RSRC1: variants seen among roughly 807,000 people sequenced by gnomAD.
The protein encoded by RSRC1 is serine/Arginine-related protein 53.
In RSRC1, 39 loss-of-function variants were observed where a neutral mutation model predicts 49.1. The ratio of observed to expected loss-of-function variants is 0.79; its 90% CI spans 0.61 to 1.04. The LOEUF is 1.04. RSRC1 is among the 50% of genes least tolerant of loss of function. The pLI is 0.00. For missense variants in RSRC1, 388 were observed against 402.4 expected, an observed-to-expected ratio of 0.96 and a Z score of 0.31; for synonymous variants, 143 against 130.8, an observed-to-expected ratio of 1.09 and a Z score of -0.63.
intron 3 of RSRC1, among the ~76,000 whole-genome samples, chr3:158,156,323 G>A (rs755462938): frequency 1.3e-5 from 2 of 152,142 alleles, no homozygotes; most frequent in Admixed American, 6.5e-5. Context: ...CTCTGGATTA[G>A]GCTTTCGCTC....
intron 6 of RSRC1, among the ~76,000 whole-genome samples, chr3:158,460,369 AC>A (rs1165867809): frequency 6.6e-6 from 1 of 151,678 alleles, no homozygotes; most frequent in Non-Finnish European, 1.5e-5. Flanking sequence ...GTGTTTGAAA[AC>A]CCCTGCAGTT....
At chr3:158,165,160 A>C (rs1214632351) in intron 3 of RSRC1, among the ~76,000 whole-genome samples, 1 of 152,190 alleles carries the variant, frequency 6.6e-6, no homozygotes, top group Admixed American at 6.5e-5. Flanking sequence ...TGAACACATT[A>C]ATTAGAACCA....
intron 4 of RSRC1, among the ~76,000 whole-genome samples, chr3:158,288,803 C>T (rs1726734355): frequency 6.8e-6 from 1 of 146,288 alleles, no homozygotes; most frequent in South Asian, 2.2e-4. Flanking sequence ...AATAAAAAAT[C>T]TGCACATGTT....
chr3:158,334,470 AT>A (rs1182529511), intron 5 of RSRC1, among the ~76,000 whole-genome samples: 3 of 139,324 alleles, frequency 2.2e-5, no homozygotes, highest in Admixed American at 7.8e-5. Flanking sequence ...AAAGGTCTCA[AT>A]TTCTAACAGG....
intron 4 of RSRC1, among the ~76,000 whole-genome samples, chr3:158,230,003 T>G (rs748603413): frequency 6.6e-6 from 1 of 152,122 alleles, no homozygotes; most frequent in Non-Finnish European, 1.5e-5. Flanking sequence ...GATGCATCAA[T>G]CACAGCTCCC....
At chr3:158,512,461 T>A (rs1740243908) in intron 7 of RSRC1, among the ~76,000 whole-genome samples, 2 of 151,988 alleles carry the variant, frequency 1.3e-5, no homozygotes. Context: ...TCTGTTCTGT[T>A]CCATTGATCT....
chr3:158,475,202 G>T (rs1351179851), intron 7 of RSRC1, among the ~76,000 whole-genome samples: 1 of 152,020 alleles, frequency 6.6e-6, no homozygotes, highest in Non-Finnish European at 1.5e-5. Context: ...GGGATTACAG[G>T]CATGAGCCAC....
chr3:158,525,473 A>G (rs1410393707), intron 7 of RSRC1, among the ~76,000 whole-genome samples: 1 of 151,994 alleles, frequency 6.6e-6, no homozygotes. Flanking sequence ...TGGTATAACC[A>G]CTTTGGAAAT....
intron 6 of RSRC1, among the ~76,000 whole-genome samples, chr3:158,379,126 TC>T (rs1003866687): frequency 2.0e-5 from 3 of 151,992 alleles, no homozygotes; most frequent in African/African-American, 7.3e-5. Context: ...TCCCACTAGT[TC>T]CATTGTATTT....
intron 3 of RSRC1, among the ~76,000 whole-genome samples, chr3:158,139,636 CTTT>C (rs11388130): frequency 2.1e-5 from 3 of 140,046 alleles, no homozygotes. Context: ...TCCCATTAGT[CTTT>C]TTTTTTTTTT....
chr3:158,284,890 T>G (rs916503987), intron 4 of RSRC1, among the ~76,000 whole-genome samples: 88 of 151,776 alleles, frequency 5.8e-4, no homozygotes, highest in Non-Finnish European at 8.7e-4. Context: ...AGAAGCTCTT[T>G]AGTTTAATTA....
At chr3:158,537,001 T>C in intron 7 of RSRC1, 91 bp from the exon 8 acceptor site, 1 of 773,404 alleles carries the variant, frequency 1.3e-6, no homozygotes. Flanking sequence ...TTTTATCCAA[T>C]TAAATTTCTT....
At chr3:158,331,807 A>G (rs1729563190) in intron 5 of RSRC1, among the ~76,000 whole-genome samples, 1 of 149,220 alleles carries the variant, frequency 6.7e-6, no homozygotes, top group Non-Finnish European at 1.5e-5. Context: ...ATTTTTTTTC[A>G]TTTTGGTATA....
intron 3 of RSRC1, among the ~76,000 whole-genome samples, chr3:158,134,713 A>G (rs894289548): frequency 6.6e-6 from 1 of 152,172 alleles, no homozygotes; most frequent in Non-Finnish European, 1.5e-5. Context: ...ACTAGGAAGA[A>G]CTTTCTTTTG....
At chr3:158,180,419 CGTGT>C (rs374155981) in intron 3 of RSRC1, among the ~76,000 whole-genome samples, 19 of 40,782 alleles carry the variant, frequency 4.7e-4, no homozygotes, top group Admixed American at 1.5e-3. Context: ...TTTTTTTTGC[CGTGT>C]GTGTGTGTGT....
chr3:158,534,028 G>A (rs970815057), intron 7 of RSRC1, among the ~76,000 whole-genome samples: 3 of 151,568 alleles, frequency 2.0e-5, no homozygotes, highest in Non-Finnish European at 3.0e-5. Flanking sequence ...CTCTGACAGT[G>A]CTTGGTTTTA....
intron 4 of RSRC1, among the ~76,000 whole-genome samples, chr3:158,237,849 AG>A (rs879868903): frequency 6.6e-6 from 1 of 152,184 alleles, no homozygotes; most frequent in Non-Finnish European, 1.5e-5. Flanking sequence ...TATGTTGAAT[AG>A]GAGTCGTGAG....
In RSRC1 at chr3:158,143,524, C is replaced by T. The variant is rs7617063; in HGVS notation, c.320+19533C>T. On this transcript the variant is annotated intron_variant, in intron 3 of 9. Coordinates refer to ENST00000611884, the MANE Select transcript of RSRC1 (RefSeq NM_001271838.2). The stretch of plus-strand genomic sequence containing the variant: ...AGTATTTTGGAATTCACTTTTTACT[C>T]AATTGTTTAAATTCTTAGAAATCAA... 7.6e-3 allele frequency among the ~76,000 whole-genome samples: 1,163 copies of T among 152,118 alleles called. 14 individuals carry two copies. Among genetic ancestry groups the T allele is most frequent in the African/African-American group, 0.027 (1,106 of 41,510 alleles).
chr3:158,156,666 C>T (rs1158075715), intron 3 of RSRC1, among the ~76,000 whole-genome samples: 5 of 152,088 alleles, frequency 3.3e-5, no homozygotes, highest in Admixed American at 1.3e-4. Flanking sequence ...ATTTCAATAT[C>T]GTTGTATTCC....
Sources: gnomAD v4.1 joint callset for allele counts (sites outside exome capture counted in the v4.1 genomes callset) on GRCh38, gnomAD v4.1.1 for gene constraint, MANE v1.5 for transcripts, NCBI Gene and HGNC (gene_info 2026-07-23, HGNC 2026-07-21) for gene names.